Variants in LRRC4C observed in about 807,000 individuals in gnomAD.
The protein encoded by LRRC4C is leucine-rich repeat-containing protein 4C.
In LRRC4C, 5 loss-of-function variants were observed where a neutral mutation model predicts 33.6. That is an observed-to-expected ratio of 0.15 (90% CI 0.08 to 0.31). The LOEUF is 0.31. LRRC4C is among the 10% of genes least tolerant of loss of function. The pLI is 1.00. For synonymous variants in LRRC4C, 329 were observed against 302.0 expected (o/e 1.09, Z -0.93); for missense variants, 560 against 796.7 (o/e 0.70, Z 3.58).
At chr11:41,346,853 A>G (rs113947234) in intron 1 of LRRC4C, among the ~76,000 whole-genome samples, 120 of 152,342 alleles carry the variant, frequency 7.9e-4, no homozygotes, top group Non-Finnish European at 1.3e-3. Flanking sequence ...AAACAAATTA[A>G]AAAGGGGCCA....
chr11:40,757,860 T>C (rs1240782869), intron 2 of LRRC4C, among the ~76,000 whole-genome samples: 1 of 152,068 alleles, frequency 6.6e-6, no homozygotes, highest in African/African-American at 2.4e-5. Context: ...TGTTACATTC[T>C]AGGTCAAGAA....
At chr11:40,522,141 G>A (rs1056934557) in intron 3 of LRRC4C, among the ~76,000 whole-genome samples, 4 of 152,136 alleles carry the variant, frequency 2.6e-5, no homozygotes, top group African/African-American at 9.7e-5. Context: ...TCCTGCCTCA[G>A]CCTCCCAAGT....
chr11:40,563,836 C>T (rs1406354193), intron 3 of LRRC4C, among the ~76,000 whole-genome samples: 1 of 152,090 alleles, frequency 6.6e-6, no homozygotes, highest in Non-Finnish European at 1.5e-5. Context: ...TAGTACTTTC[C>T]CTATTTGCTT....
At chr11:41,154,652 C>T (rs1944146441) in intron 1 of LRRC4C, among the ~76,000 whole-genome samples, 1 of 152,066 alleles carries the variant, frequency 6.6e-6, no homozygotes, top group African/African-American at 2.4e-5. Flanking sequence ...TTCTGGTAAA[C>T]ATTTAGACAT....
At chr11:40,187,507 G>A (rs760754870) in intron 5 of LRRC4C, among the ~76,000 whole-genome samples, 1 of 151,970 alleles carries the variant, frequency 6.6e-6, no homozygotes, top group Non-Finnish European at 1.5e-5. Context: ...TCTGCCCACA[G>A]AGGTGCCTCT....
At chr11:41,120,596 G>T (rs1462274544) in intron 1 of LRRC4C, among the ~76,000 whole-genome samples, 1 of 152,120 alleles carries the variant, frequency 6.6e-6, no homozygotes, top group Non-Finnish European at 1.5e-5. Flanking sequence ...CTTCATGAAG[G>T]CAGCTTCTAA....
chr11:40,865,920 A>G (rs1029133354), intron 2 of LRRC4C, among the ~76,000 whole-genome samples: 1 of 152,032 alleles, frequency 6.6e-6, no homozygotes, highest in African/African-American at 2.4e-5. Flanking sequence ...AACTATGTTC[A>G]ATATGAGTTT....
intron 1 of LRRC4C, among the ~76,000 whole-genome samples, chr11:40,995,927 T>C (rs1853937855): frequency 6.6e-6 from 1 of 152,210 alleles, no homozygotes; most frequent in Non-Finnish European, 1.5e-5. Context: ...CAAAGAACAC[T>C]GACTAAATCA....
chr11:41,167,719 C>T (rs772151199), intron 1 of LRRC4C, among the ~76,000 whole-genome samples: 2 of 152,112 alleles, frequency 1.3e-5, no homozygotes, highest in Non-Finnish European at 2.9e-5. Flanking sequence ...CTTCCCAGTA[C>T]CTGTCCATCT....
chr11:40,771,619 C>G (rs544810044), intron 2 of LRRC4C, among the ~76,000 whole-genome samples: 1 of 152,226 alleles, frequency 6.6e-6, no homozygotes, highest in Admixed American at 6.5e-5. Flanking sequence ...TGCTTTGCTT[C>G]CTGTTGAATG....
At chr11:40,356,513 G>A (rs1029966334) in intron 3 of LRRC4C, among the ~76,000 whole-genome samples, 1 of 152,242 alleles carries the variant, frequency 6.6e-6, no homozygotes, top group South Asian at 2.1e-4. Flanking sequence ...GGCCGCTAAG[G>A]GTAGAACTGG....
intron 3 of LRRC4C, among the ~76,000 whole-genome samples, chr11:40,489,768 C>A (rs1954054234): frequency 6.6e-6 from 1 of 152,090 alleles, no homozygotes; most frequent in Non-Finnish European, 1.5e-5. Flanking sequence ...ATTTACTATT[C>A]TATTACATTT....
chr11:40,237,533 T>C (rs768448633), intron 5 of LRRC4C, among the ~76,000 whole-genome samples: 1 of 152,178 alleles, frequency 6.6e-6, no homozygotes, highest in Non-Finnish European at 1.5e-5. Context: ...ATTGTGTATA[T>C]AAAGAATCTG....
intron 3 of LRRC4C, among the ~76,000 whole-genome samples, chr11:40,449,318 A>G (rs192003142): frequency 6.7e-6 from 1 of 148,850 alleles, no homozygotes; most frequent in Admixed American, 6.8e-5. Flanking sequence ...CACTTAACTC[A>G]AACAAAACAA....
chr11:40,729,885 G>A (rs1448366337), intron 2 of LRRC4C, among the ~76,000 whole-genome samples: 3 of 152,130 alleles, frequency 2.0e-5, no homozygotes, highest in Non-Finnish European at 4.4e-5. Flanking sequence ...GAGAGATGCT[G>A]AAAATAACTT....
At chr11:40,635,933 C>T (rs985249336) in intron 3 of LRRC4C, among the ~76,000 whole-genome samples, 1 of 152,046 alleles carries the variant, frequency 6.6e-6, no homozygotes. Flanking sequence ...GGCACTGCGC[C>T]CGGCCAGAAG....
intron 2 of LRRC4C, among the ~76,000 whole-genome samples, chr11:40,912,587 A>G (rs1468477872): frequency 1.3e-5 from 2 of 152,248 alleles, no homozygotes; most frequent in African/African-American, 4.8e-5. Flanking sequence ...AGCCACTGCA[A>G]AACCATGCCA....
At chr11:41,323,272 TTACC>T (rs931861421) in intron 1 of LRRC4C, among the ~76,000 whole-genome samples, 1 of 152,194 alleles carries the variant, frequency 6.6e-6, no homozygotes, top group African/African-American at 2.4e-5. Flanking sequence ...TCCCTCTTAG[TTACC>T]TACCTGAGAA....
At chr11:40,788,818 G>A (rs867826623) in intron 2 of LRRC4C, among the ~76,000 whole-genome samples, 1 of 152,122 alleles carries the variant, frequency 6.6e-6, no homozygotes, top group Admixed American at 6.5e-5. Flanking sequence ...ATTAGGCCGG[G>A]CACGGTGGCT....
Sources: gnomAD v4.1 joint callset for allele counts (sites outside exome capture counted in the v4.1 genomes callset) on GRCh38, gnomAD v4.1.1 for gene constraint, MANE v1.5 for transcripts, NCBI Gene and HGNC (gene_info 2026-07-23, HGNC 2026-07-21) for gene names.